RIPPLY2: variants seen among roughly 807,000 people sequenced by gnomAD.
RIPPLY2 encodes the protein ripply transcriptional repressor 2.
A neutral mutation model predicts 17.7 loss-of-function variants in RIPPLY2; 20 were observed. The ratio of observed to expected loss-of-function variants is 1.13; its 90% CI spans 0.79 to 1.64. The LOEUF is 1.64. Among genes scored for constraint, RIPPLY2 ranks in the 40% most tolerant of loss-of-function variants. RIPPLY2 has a pLI of 0.00. For missense variants in RIPPLY2, 213 were observed against 169.8 expected, an observed-to-expected ratio of 1.25 and a Z score of -1.41; for synonymous variants, 69 against 63.9, an observed-to-expected ratio of 1.08 and a Z score of -0.38.
In RIPPLY2 at chr6:83,853,460, C is replaced by A. The variant is rs377041055; in HGVS notation, c.44C>A (p.Ala15Glu). The A allele has an allele frequency of 6.5e-7, 1 of 1,542,030 alleles. No homozygotes were observed. Among genetic ancestry groups the A allele is most frequent in the Non-Finnish European group, 8.7e-7 (1 of 1,146,022 alleles). The change falls in exon 1 of 4, where the codon GCG becomes GAG. Residue 15 changes from alanine to glutamate, a missense_variant. Ala to Glu is a moderately radical substitution (Grantham distance 107, BLOSUM62 -1). Transcript: ENST00000369689. The part of the protein sequence containing the change: ...GGAEGTESGA[A>E]ACAATDGPTR... ...GCAGAGGGTACAGAGAGTGGAGCTG[C>A]GGCGTGCGCGGCCACCGACGGCCCT... is the stretch of plus-strand genomic sequence containing the variant.
intron 3 of RIPPLY2, chr6:83,854,561 A>G (rs1363922925): frequency 5.1e-6 from 1 of 194,272 alleles, no homozygotes; most frequent in Non-Finnish European, 1.1e-5. Context: ...TGGGATTAAC[A>G]GTTACAGTCT....
chr6:83,853,604 C>T, intron 1 of RIPPLY2, 91 bp from the exon 2 acceptor site: 1 of 1,550,536 alleles, frequency 6.4e-7, no homozygotes, highest in Non-Finnish European at 8.7e-7. Flanking sequence ...CTCCATCCCC[C>T]ACTGCCCGGT....
rs1230514738 is a variant in RIPPLY2, at chr6:83,853,520, C to T, written c.95+9C>T. The T allele has an allele frequency of 1.3e-6, 2 of 1,537,526 alleles. No individual in the cohort carries two copies. Among genetic ancestry groups the T allele is most frequent in the Admixed American group, 2.0e-5 (1 of 49,462 alleles). The stretch of plus-strand genomic sequence containing the variant: ...GCGGGCGCGGACTCCGGGTAGGCTT[C>T]CCCGCGCTGCTCTGCGCCTCCCAGC... On this transcript the variant is annotated intron_variant, in intron 1 of 3. Transcript: ENST00000369689.
At chr6:83,855,903 T>C (rs549831864) in intron 3 of RIPPLY2, 2 of 152,318 alleles carry the variant, frequency 1.3e-5, no homozygotes, top group South Asian at 4.1e-4. Context: ...CAGAAAAGTA[T>C]GCGGGCCCTG....
At position 83,857,307 on chromosome 6, in the gene RIPPLY2, AT is replaced by A; in HGVS notation, c.309del (p.Pro104GlnfsTer21). 6.3e-7 allele frequency: 1 copy of A among 1,577,938 alleles called. No individual in the cohort carries two copies. Among genetic ancestry groups the A allele is most frequent in the South Asian group, 1.2e-5 (1 of 83,858 alleles). Reference sequence around the variant, plus strand: ...CAAGAAGCAGAAGCTCTTCTGAAAAATTTTCCAATTCAAGCCACAATTTCAT... The same window carrying A: ...CAAGAAGCAGAAGCTCTTCTGAAAAATTTCCAATTCAAGCCACAATTTCAT... ...LYQEAEALLKNFPIQATISFY... is the reference protein window; with the variant it reads ...LYQEAEALLKXFPIQATISFY... On this transcript the variant is annotated frameshift_variant, in exon 4 of 4. Transcript: ENST00000369689. LOFTEE classifies it high-confidence loss of function.
At chr6:83,854,263 T>TCC (rs1331579826) in intron 3 of RIPPLY2, 102 bp downstream of exon 3, 2 of 904,984 alleles carry the variant, frequency 2.2e-6, no homozygotes, top group African/African-American at 3.3e-5. Context: ...GCAGTCTCTC[T>TCC]CTCTCTCTCT....
chr6:83,853,780 G>A lies in RIPPLY2; in HGVS notation c.174+7G>A. On this transcript the variant is annotated splice_region_variant and intron_variant, in intron 2 of 3. Transcript: ENST00000369689. ...GAACCACGCCGCGGAGGCGGTGAGTGAGCCACGCGTCTCAGGCCGCGCCTC... is the reference window on the plus strand; with the variant it reads ...GAACCACGCCGCGGAGGCGGTGAGTAAGCCACGCGTCTCAGGCCGCGCCTC... 1 of 1,610,448 alleles carries A rather than the reference G, an allele frequency of 6.2e-7. No individual in the cohort carries two copies. The highest frequency in any genetic ancestry group is 1.7e-4 in the Middle Eastern group (1 of 5,994).
chr6:83,855,595 A>C (rs1176130670), intron 3 of RIPPLY2: 1 of 152,256 alleles, frequency 6.6e-6, no homozygotes, highest in Non-Finnish European at 1.5e-5. Flanking sequence ...TCATGAGTCA[A>C]GTTTTCCACT....
chr6:83,856,450 C>T (rs2099455004), intron 3 of RIPPLY2: 1 of 152,170 alleles, frequency 6.6e-6, no homozygotes, highest in South Asian at 2.1e-4. Context: ...GGTGATTCAG[C>T]CTTATCTCTC....
chr6:83,855,703 A>G (rs938236130), intron 3 of RIPPLY2: 4 of 152,248 alleles, frequency 2.6e-5, no homozygotes, highest in African/African-American at 9.7e-5. Context: ...CTTAAGTGGA[A>G]ATACAGACTT....
chr6:83,855,452 A>G (rs2099454850), intron 3 of RIPPLY2: 1 of 152,290 alleles, frequency 6.6e-6, no homozygotes, highest in African/African-American at 2.4e-5. Flanking sequence ...ATTAGGCTTT[A>G]TAACGTATTG....
chr6:83,854,640 A>C (rs1014151342), intron 3 of RIPPLY2: 2 of 159,168 alleles, frequency 1.3e-5, no homozygotes, highest in African/African-American at 4.8e-5. Flanking sequence ...GAATGGTTAT[A>C]GAAAGGGTCA....
rs998404304 is a variant in RIPPLY2 at position 83,854,038 on chromosome 6, C to T, written c.175-59C>T. 4.0e-6 allele frequency: 6 copies of T among 1,489,476 alleles called. No individual in the cohort carries two copies. In the African/African-American group the frequency reaches 4.1e-5, roughly 10 times the overall value. The allele number at this position is 1,489,476 out of a possible 1,614,324, so 92.3% of individuals were successfully genotyped here. A position where few individuals can be genotyped will look rare whatever the true frequency, so the allele number is the denominator to read the frequency against. ...GGCACGAGGAACACTGGGTCGTGCA[C>T]GTTTCCACTTTCTAGAAGGAGGTGG... On this transcript the variant is annotated intron_variant, in intron 2 of 3. Transcript: ENST00000369689.
chr6:83,857,049 A>G (rs894901052), intron 3 of RIPPLY2, 193 bp from the exon 4 acceptor site: 1 of 330,938 alleles, frequency 3.0e-6, no homozygotes, highest in Non-Finnish European at 5.5e-6. Context: ...ACAATAATCA[A>G]ACAATTATTG....
At chr6:83,853,351 A>G (rs769305307), upstream of RIPPLY2, 20 of 1,345,630 alleles carry the variant, frequency 1.5e-5, no homozygotes, top group East Asian at 5.1e-5. Context: ...CGGGTCTCGG[A>G]CCTACTGGAA....
In RIPPLY2 at chr6:83,854,174, C is replaced by T. The variant is rs1588553234; in HGVS notation, c.239+13C>T. 1 of 1,611,838 alleles carries T rather than the reference C, an allele frequency of 6.2e-7. No homozygotes were observed. The highest frequency in any genetic ancestry group is 1.3e-5 in the African/African-American group (1 of 74,996). On this transcript the variant is annotated intron_variant, in intron 3 of 3. Transcript: ENST00000369689. Reference sequence around the variant, plus strand: ...GGCACCCAGTCAGGTGAGTGACAGGCCTCGCCGAAGGTCTCCCGCTCCTCC... The same window carrying T: ...GGCACCCAGTCAGGTGAGTGACAGGTCTCGCCGAAGGTCTCCCGCTCCTCC...
chr6:83,853,621 G>A, intron 1 of RIPPLY2, 74 bp from the exon 2 acceptor site: 4 of 1,563,148 alleles, frequency 2.6e-6, no homozygotes, highest in South Asian at 2.4e-5. Context: ...CGGTGCCAGC[G>A]CTCGGCTTCG....
chr6:83,853,996 G>C lies in RIPPLY2; in HGVS notation c.175-101G>C, dbSNP rs2099454613. On this transcript the variant is annotated intron_variant, in intron 2 of 3. Coordinates refer to ENST00000369689, the MANE Select transcript of RIPPLY2 (RefSeq NM_001009994.3). ...GGGAGCGAGGCTGCTGAGAGCCCTGGGGTTACATTCCCAGCGGGCACGAGG... is the reference window on the plus strand; with the variant it reads ...GGGAGCGAGGCTGCTGAGAGCCCTGCGGTTACATTCCCAGCGGGCACGAGG... 2.5e-6 allele frequency: 3 copies of C among 1,216,120 alleles called. No individual in the cohort carries two copies. The Admixed American group carries it at 5.1e-5, about 21-fold the overall frequency. The allele number at this position is 1,216,120 out of a possible 1,614,324, so 75.3% of individuals were successfully genotyped here. A position where few individuals can be genotyped will look rare whatever the true frequency, so the allele number is the denominator to read the frequency against.
Position 83,853,456 on chromosome 6 carries a change from G to T in RIPPLY2, c.40G>T (p.Ala14Ser), listed in dbSNP as rs372681617. Residue 14 changes from alanine to serine, a missense_variant, in exon 1 of 4, where the codon GCT becomes TCT. Transcript: ENST00000369689. ...AGGAEGTESG[A>S]AACAATDGPT... The stretch of plus-strand genomic sequence containing the variant: ...AGGCGCAGAGGGTACAGAGAGTGGA[G>T]CTGCGGCGTGCGCGGCCACCGACGG... 64 of 1,542,536 alleles carry T rather than the reference G, an allele frequency of 4.1e-5. No individual in the cohort carries two copies. The African/African-American group carries it at 7.7e-4, about 18-fold the overall frequency.
Sources: gnomAD v4.1 joint callset for allele counts on GRCh38, gnomAD v4.1.1 for gene constraint, MANE v1.5 for transcripts, NCBI Gene and HGNC (gene_info 2026-07-23, HGNC 2026-07-21) for gene names.